Variants in SIMC1 observed in about 807,000 individuals in gnomAD.
SIMC1 encodes the protein SUMO interacting motifs containing 1.
SIMC1 carries 55 observed loss-of-function variants against 82.3 expected under a neutral mutation model. The observed-to-expected ratio is 0.67, with a 90% CI of 0.54 to 0.84. The LOEUF is 0.84. Among genes scored for constraint, SIMC1 ranks in the 40% least tolerant of loss-of-function variants. The pLI, the probability that SIMC1 is intolerant of heterozygous loss-of-function variation, is 0.00. For synonymous variants in SIMC1, 353 were observed against 426.3 expected (o/e 0.83, Z 2.12); for missense variants, 915 against 1,107.2 (o/e 0.83, Z 2.46).
At position 176,290,593 on chromosome 5, in the gene SIMC1, A is replaced by G. The variant is rs752150507; in HGVS notation, c.1069A>G (p.Thr357Ala). Residue 357 changes from threonine to alanine, a missense_variant, in exon 2 of 10, where the codon ACA (threonine) becomes GCA (alanine). Transcript: ENST00000429602. ...CATGCCACACTCATCAGGGGACGTG[A>G]CACACTCACCTAGAGACATCCCTCA... ...GDMPHSSGDV[T>A]HSPRDIPHLP... 5 of 1,613,948 alleles carry G rather than the reference A, an allele frequency of 3.1e-6. No homozygotes were observed. Among genetic ancestry groups the G allele is most frequent in the Middle Eastern group, 3.3e-4 (2 of 6,062 alleles).
At chr5:176,263,032 CCATTTA>C (rs1391870500) in intron 1 of SIMC1, among the ~76,000 whole-genome samples, 2 of 151,664 alleles carry the variant, frequency 1.3e-5, no homozygotes, top group South Asian at 2.1e-4. Flanking sequence ...ACATACATTA[CCATTTA>C]CATTTACATT....
chr5:176,279,615 C>A (rs868660627), intron 1 of SIMC1, among the ~76,000 whole-genome samples: 27 of 150,344 alleles, frequency 1.8e-4, no homozygotes, highest in Non-Finnish European at 2.7e-4. Context: ...GCATTTAGTG[C>A]TATAAATTTC....
At chr5:176,248,082 C>T (rs1193808546) in intron 1 of SIMC1, among the ~76,000 whole-genome samples, 1 of 151,958 alleles carries the variant, frequency 6.6e-6, no homozygotes, top group Admixed American at 6.6e-5. Flanking sequence ...ATTGTCTTGG[C>T]TATATGGGCT....
chr5:176,328,707 TTAACC>T (rs1408497343), intron 7 of SIMC1, among the ~76,000 whole-genome samples: 1 of 152,072 alleles, frequency 6.6e-6, no homozygotes, highest in African/African-American at 2.4e-5. Flanking sequence ...CAGAAACAAG[TTAACC>T]TAACTGTATT....
intron 1 of SIMC1, among the ~76,000 whole-genome samples, chr5:176,252,724 T>C (rs1283946976): frequency 2.7e-5 from 4 of 150,578 alleles, no homozygotes; most frequent in Non-Finnish European, 3.0e-5. Context: ...CGCTCCTCAC[T>C]TCCCAGATGG....
intron 1 of SIMC1, among the ~76,000 whole-genome samples, chr5:176,262,343 A>C (rs1399812607): frequency 2.0e-5 from 3 of 152,052 alleles, no homozygotes; most frequent in African/African-American, 7.2e-5. Context: ...CCTCAACTTC[A>C]GAAAGAACAT....
Position 176,318,769 on chromosome 5 carries a change from G to A in SIMC1, c.1890-3504G>A, listed in dbSNP as rs116484404. Among the ~76,000 whole-genome samples the A allele has an allele frequency of 3.7e-3, 561 of 152,352 alleles. 3 individuals are homozygous for A. Among genetic ancestry groups the A allele is most frequent in the African/African-American group, 0.013 (533 of 41,578 alleles). On this transcript the variant is annotated intron_variant, in intron 5 of 9. Coordinates refer to ENST00000429602, the MANE Select transcript of SIMC1 (RefSeq NM_001308195.2). ...GAAATAACTTTTCTACAGAACATCA[G>A]AGGAAATCTTTCATTGTCTTCTAGC... is the stretch of plus-strand genomic sequence containing the variant.
intron 3 of SIMC1, among the ~76,000 whole-genome samples, 197 bp downstream of exon 3, chr5:176,295,459 G>A (rs1006288567): frequency 2.6e-5 from 4 of 152,326 alleles, no homozygotes; most frequent in South Asian, 2.1e-4. Context: ...TTAATGGCTC[G>A]TGTTACTAGA....
intron 1 of SIMC1, among the ~76,000 whole-genome samples, chr5:176,249,084 C>T (rs1414365461): frequency 6.6e-6 from 1 of 152,040 alleles, no homozygotes; most frequent in African/African-American, 2.4e-5. Flanking sequence ...GTGTCTTTGC[C>T]AGGTTTTGGT....
At chr5:176,259,646 G>A (rs910517165) in intron 1 of SIMC1, among the ~76,000 whole-genome samples, 42 of 151,696 alleles carry the variant, frequency 2.8e-4, no homozygotes, top group African/African-American at 4.6e-4. Flanking sequence ...GGTGGCACGC[G>A]CCTGTAGTCC....
intron 1 of SIMC1, among the ~76,000 whole-genome samples, chr5:176,273,113 G>C (rs960781185): frequency 5.9e-5 from 9 of 152,216 alleles, no homozygotes; most frequent in African/African-American, 1.7e-4. Flanking sequence ...TTTGAGATCT[G>C]AGAACGGACA....
intron 9 of SIMC1, among the ~76,000 whole-genome samples, chr5:176,343,103 G>C (rs1327359563): frequency 6.6e-6 from 1 of 152,192 alleles, no homozygotes; most frequent in East Asian, 1.9e-4. Context: ...ACAGACTTTA[G>C]TTTTGAGAGA....
At chr5:176,251,530 T>A (rs1470226574) in intron 1 of SIMC1, among the ~76,000 whole-genome samples, 2 of 152,154 alleles carry the variant, frequency 1.3e-5, no homozygotes, top group East Asian at 3.8e-4. Context: ...TCTCCTTCAC[T>A]TATGAAGCAT....
At chr5:176,260,267 A>G (rs1257719227) in intron 1 of SIMC1, among the ~76,000 whole-genome samples, 1 of 152,136 alleles carries the variant, frequency 6.6e-6, no homozygotes, top group Non-Finnish European at 1.5e-5. Context: ...GAGCTAAACT[A>G]TGAGGATGCA....
chr5:176,313,781 C>T lies in SIMC1; in HGVS notation c.1825C>T (p.Gln609Ter). 6.2e-7 allele frequency: 1 copy of T among 1,613,966 alleles called. No homozygotes were observed. Among genetic ancestry groups the T allele is most frequent in the Non-Finnish European group, 8.5e-7 (1 of 1,179,888 alleles). ...DFQQTLRRQR[Q>*]HLQQSIANMV... ...TCAGCAGACCCTGAGGAGGCAACGG[C>T]AGCACCTGCAGCAATCCATTGCAAA... Residue 609 changes from glutamine to a stop codon, truncating the protein, a stop_gained, in exon 5 of 10, where the codon CAG becomes TAG. Coordinates refer to ENST00000429602, the MANE Select transcript of SIMC1 (RefSeq NM_001308195.2). LOFTEE classifies it high-confidence loss of function.
chr5:176,274,571 G>A lies in SIMC1; in HGVS notation c.130-15083G>A, dbSNP rs964272823. 2.5e-4 allele frequency among the ~76,000 whole-genome samples: 38 copies of A among 151,794 alleles called. 1 individual carries two copies. Among genetic ancestry groups the A allele is most frequent in the African/African-American group, 8.0e-4 (33 of 41,384 alleles). ...TTGCTTTTGGTGTTTTAGATATGACGTCCTTGCCCTTGCCTATGTCCTGAA... is the reference window on the plus strand; with the variant it reads ...TTGCTTTTGGTGTTTTAGATATGACATCCTTGCCCTTGCCTATGTCCTGAA... On this transcript the variant is annotated intron_variant, in intron 1 of 9. Transcript: ENST00000429602.
At chr5:176,245,292 G>A (rs1216416056) in intron 1 of SIMC1, among the ~76,000 whole-genome samples, 4 of 152,182 alleles carry the variant, frequency 2.6e-5, no homozygotes, top group Non-Finnish European at 4.4e-5. Flanking sequence ...AGCAGAAACC[G>A]AAGTTATGCA....
intron 1 of SIMC1, among the ~76,000 whole-genome samples, chr5:176,282,753 C>T (rs1266732791): frequency 3.9e-5 from 6 of 151,982 alleles, no homozygotes; most frequent in East Asian, 1.9e-4. Flanking sequence ...TTGAACCCAT[C>T]GCAAAGAAGC....
intron 1 of SIMC1, among the ~76,000 whole-genome samples, chr5:176,282,101 G>A (rs1286653230): frequency 2.0e-5 from 3 of 152,372 alleles, no homozygotes; most frequent in Non-Finnish European, 4.4e-5. Context: ...GAGCTTCCCG[G>A]CTGCTTTGTT....
Sources: gnomAD v4.1 joint callset for allele counts (sites outside exome capture counted in the v4.1 genomes callset) on GRCh38, gnomAD v4.1.1 for gene constraint, MANE v1.5 for transcripts, NCBI Gene and HGNC (gene_info 2026-07-23, HGNC 2026-07-21) for gene names.